The following REDIC1 variants were observed in gnomAD, a reference collection of about 807,000 sequenced individuals.
The protein encoded by REDIC1 is HEI10 Interacting Protein 1.
At chr12:39,850,767 T>C in the REDIC1 span, among the ~76,000 whole-genome samples, 1 of 152,202 alleles carries the variant, frequency 6.6e-6, no homozygotes, top group Non-Finnish European at 1.5e-5. Flanking sequence ...AGTGAATAAC[T>C]ATATTCAATT....
the REDIC1 span, chr12:39,756,615 T>A: frequency 4.7e-4 from 72 of 151,960 alleles, no homozygotes; most frequent in African/African-American, 1.5e-3. Flanking sequence ...TTCTAAAACA[T>A]TCTTCCATTT....
At chr12:39,735,147 T>A in the REDIC1 span, among the ~76,000 whole-genome samples, 149,182 of 152,262 alleles carry the variant, frequency 0.98, 73,091 homozygotes, top group East Asian at 1. Context: ...TGCTACCATA[T>A]CAAAACCCTA....
At chr12:39,742,345 A>G in the REDIC1 span, among the ~76,000 whole-genome samples, 1 of 152,180 alleles carries the variant, frequency 6.6e-6, no homozygotes, top group Non-Finnish European at 1.5e-5. Flanking sequence ...ATTGCCAGGT[A>G]TACATTTGTT....
chr12:39,798,601 G>C, the REDIC1 span, among the ~76,000 whole-genome samples: 2 of 152,182 alleles, frequency 1.3e-5, no homozygotes, highest in East Asian at 3.9e-4. Flanking sequence ...GTCCTGAGCA[G>C]GCCCTCCAGC....
chr12:39,626,450 G>T, the REDIC1 span: 1 of 1,531,210 alleles, frequency 6.5e-7, no homozygotes, highest in African/African-American at 1.4e-5. Context: ...GCCTTAGCTG[G>T]AAAGAACTTG....
At chr12:39,812,379 T>TTTCTTTTC in the REDIC1 span, among the ~76,000 whole-genome samples, 1 of 138,204 alleles carries the variant, frequency 7.2e-6, no homozygotes, top group Non-Finnish European at 1.6e-5. Context: ...TTTCTTTTCT[T>TTTCTTTTC]TTCTTTCTTT....
chr12:39,778,665 A>G, the REDIC1 span, among the ~76,000 whole-genome samples: 44 of 152,332 alleles, frequency 2.9e-4, no homozygotes, highest in East Asian at 6.7e-3. Context: ...AATAGACTCT[A>G]TTGAACTCAT....
chr12:39,894,280 G>T, the REDIC1 span, among the ~76,000 whole-genome samples: 1 of 152,106 alleles, frequency 6.6e-6, no homozygotes, highest in Admixed American at 6.5e-5. Flanking sequence ...GCTTTATGTT[G>T]CTTAATTCTA....
the REDIC1 span, chr12:39,646,400 G>A: frequency 6.7e-7 from 1 of 1,482,654 alleles, no homozygotes; most frequent in Admixed American, 2.2e-5. Context: ...GCATAATTTA[G>A]AACTTACAAT....
At chr12:39,713,024 CG>C in the REDIC1 span, among the ~76,000 whole-genome samples, 6 of 133,518 alleles carry the variant, frequency 4.5e-5, no homozygotes, top group Non-Finnish European at 6.3e-5. Context: ...TGTGTATATA[CG>C]TGTATATGTA....
At chr12:39,641,735 GA>G in the REDIC1 span, among the ~76,000 whole-genome samples, 18 of 148,970 alleles carry the variant, frequency 1.2e-4, no homozygotes, top group South Asian at 4.2e-4. Flanking sequence ...TTCTAAAACA[GA>G]AAAAAAAACC....
the REDIC1 span, among the ~76,000 whole-genome samples, chr12:39,881,674 C>T: frequency 6.6e-6 from 1 of 152,136 alleles, no homozygotes; most frequent in Non-Finnish European, 1.5e-5. Context: ...TGAACTAAGT[C>T]TAGACGTGAG....
At chr12:39,733,150 A>T in the REDIC1 span, among the ~76,000 whole-genome samples, 1 of 152,196 alleles carries the variant, frequency 6.6e-6, no homozygotes, top group African/African-American at 2.4e-5. Context: ...AATTCAAAAC[A>T]AATTAAAGAA....
chr12:39,799,898 C>T, the REDIC1 span, among the ~76,000 whole-genome samples: 2 of 152,196 alleles, frequency 1.3e-5, no homozygotes, highest in African/African-American at 4.8e-5. Flanking sequence ...ATCAAATTTA[C>T]AACAGAATAA....
the REDIC1 span, among the ~76,000 whole-genome samples, chr12:39,806,161 AAAATTAAG>A: frequency 2.0e-5 from 3 of 152,214 alleles, no homozygotes; most frequent in Non-Finnish European, 2.9e-5. Context: ...TCACAAACTA[AAAATTAAG>A]AAAAAAATCG....
the REDIC1 span, among the ~76,000 whole-genome samples, chr12:39,876,809 C>T: frequency 9.9e-5 from 15 of 152,242 alleles, no homozygotes; most frequent in African/African-American, 3.4e-4. Context: ...GGAACATACT[C>T]TTCCTGACAA....
At chr12:39,768,208 T>C in the REDIC1 span, among the ~76,000 whole-genome samples, 8 of 152,114 alleles carry the variant, frequency 5.3e-5, no homozygotes, top group African/African-American at 1.9e-4. Flanking sequence ...TCAGCCTTCA[T>C]AGAATTAAAT....
the REDIC1 span, among the ~76,000 whole-genome samples, chr12:39,819,563 CT>C: frequency 1.3e-5 from 2 of 152,072 alleles, no homozygotes; most frequent in Non-Finnish European, 2.9e-5. Context: ...TTTCATTTAC[CT>C]TTTCTCTCAA....
the REDIC1 span, among the ~76,000 whole-genome samples, chr12:39,844,265 A>G: frequency 1.3e-5 from 2 of 152,076 alleles, no homozygotes; most frequent in African/African-American, 4.8e-5. Flanking sequence ...AAAAATTTCA[A>G]GGCATAGGGT....
Sources: allele counts gnomAD v4.1 joint callset (sites outside exome capture counted in the v4.1 genomes callset), GRCh38; gene constraint gnomAD v4.1.1; transcripts MANE v1.5; gene names NCBI Gene and HGNC (gene_info 2026-07-23, HGNC 2026-07-21).